Variants in TSGA10IP observed in about 807,000 individuals in gnomAD.
TSGA10IP encodes the protein testis specific 10 interacting protein.
In TSGA10IP, 64 loss-of-function variants were observed where a neutral mutation model predicts 63.2. That is an observed-to-expected ratio of 1.01 (90% CI 0.83 to 1.25). The LOEUF is 1.25. Among genes scored for constraint, TSGA10IP ranks in the 50% most tolerant of loss-of-function variants. TSGA10IP has a pLI of 0.00. For synonymous variants in TSGA10IP, 316 were observed against 298.3 expected (o/e 1.06, Z -0.61); for missense variants, 681 against 710.1 (o/e 0.96, Z 0.47).
intron 4 of TSGA10IP, among the ~76,000 whole-genome samples, chr11:65,950,730 G>A (rs1854928246): frequency 6.6e-6 from 1 of 151,710 alleles, no homozygotes; most frequent in African/African-American, 2.4e-5. Flanking sequence ...ACCCAGCTAA[G>A]TTTTTGTATT....
chr11:65,947,242 C>G (rs778464756), exon 3 of TSGA10IP: 2 of 1,610,468 alleles, frequency 1.2e-6, no homozygotes, highest in East Asian at 2.2e-5. Context: ...CCATGCCCTC[C>G]TCGTTCTCCC....
In TSGA10IP at chr11:65,953,718, C is replaced by A. The variant is rs771975635; in HGVS notation, c.1303C>A (p.Arg435Ser). ...GAGCCGGGGCCCTGGGGCGGCCCAG[C>A]GCAAGCTGGAGGAGCTGAGGTAGGG... Residue 435 changes from arginine to serine, a missense_variant, in exon 5 of 8, where the codon CGC becomes AGC. Transcript: ENST00000532620. The A allele has an allele frequency of 4.1e-5, 63 of 1,548,456 alleles. No individual in the cohort carries two copies. The East Asian group carries it at 1.4e-3, about 34-fold the overall frequency.
intron 5 of TSGA10IP, among the ~76,000 whole-genome samples, chr11:65,954,303 C>T (rs1008223521): frequency 1.3e-5 from 2 of 151,604 alleles, no homozygotes; most frequent in South Asian, 4.2e-4. Context: ...GTAGCTGAGA[C>T]TACAGGCGCC....
chr11:65,953,631 G>T, exon 5 of TSGA10IP: 1 of 1,590,140 alleles, frequency 6.3e-7, no homozygotes, highest in Non-Finnish European at 8.5e-7. Flanking sequence ...GCTGCGGCGG[G>T]CCCGGACACA....
intron 5 of TSGA10IP, among the ~76,000 whole-genome samples, chr11:65,954,474 G>A (rs917682207): frequency 2.0e-5 from 3 of 151,836 alleles, no homozygotes; most frequent in South Asian, 2.1e-4. Context: ...GCACCTGGCC[G>A]TGACCATTTT....
At chr11:65,954,240 A>C (rs1287019319) in intron 5 of TSGA10IP, among the ~76,000 whole-genome samples, 2 of 148,476 alleles carry the variant, frequency 1.3e-5, no homozygotes, top group Non-Finnish European at 1.5e-5. Flanking sequence ...ATCTCGGCTC[A>C]CTGCAATCTC....
At chr11:65,950,624 G>A (rs545457093) in intron 4 of TSGA10IP, among the ~76,000 whole-genome samples, 2 of 151,256 alleles carry the variant, frequency 1.3e-5, no homozygotes, top group Admixed American at 1.3e-4. Flanking sequence ...GTGCAGTGGC[G>A]CGATCTCAGC....
chr11:65,946,766 C>G (rs1854841509), intron 1 of TSGA10IP, 114 bp from the exon 2 acceptor site: 2 of 1,254,946 alleles, frequency 1.6e-6, no homozygotes, highest in Middle Eastern at 2.7e-4. Flanking sequence ...AACGAGGGCC[C>G]AGAGGGACCC....
Position 65,947,690 on chromosome 11 carries a change from C to T in TSGA10IP, c.865C>T (p.Gln289Ter), listed in dbSNP as rs577643382. ...GGAAGCCTCCGATGAGGGAGAAGTG[C>T]AGGGCCAGAGCCAGGGGAGCAGCCC... Residue 289 changes from glutamine to a stop codon, truncating the protein, a stop_gained, in exon 3 of 8, where the codon CAG (glutamine) becomes TAG (stop). Coordinates refer to ENST00000532620, the Ensembl canonical transcript of TSGA10IP. LOFTEE classifies it high-confidence loss of function. 1 of 1,602,762 alleles carries T rather than the reference C, an allele frequency of 6.2e-7. No individual in the cohort carries two copies. Among genetic ancestry groups the T allele is most frequent in the East Asian group, 2.2e-5 (1 of 44,556 alleles).
rs1468832616 is a variant in TSGA10IP, at chr11:65,947,390, G to T, written c.565G>T (p.Glu189Ter). 1.2e-6 allele frequency: 2 copies of T among 1,612,954 alleles called. No homozygotes were observed. The highest frequency in any genetic ancestry group is 1.3e-5 in the African/African-American group (1 of 74,932). Reference sequence around the variant, plus strand: ...TGTCTCCATCCCTACTGGCAAAGGGGAGCTAGGATCAGAGCCCCCCAGTGG... The same window carrying T: ...TGTCTCCATCCCTACTGGCAAAGGGTAGCTAGGATCAGAGCCCCCCAGTGG... Residue 189 changes from glutamate (E) to a stop codon, truncating the protein, a stop_gained, in exon 3 of 8, where the codon GAG (glutamate) becomes TAG (stop). Transcript: ENST00000532620. LOFTEE classifies it high-confidence loss of function.
Position 65,946,684 on chromosome 11 carries a change from C to T in TSGA10IP, c.148-196C>T, listed in dbSNP as rs139625825. On this transcript the variant is annotated intron_variant, in intron 1 of 7. Coordinates refer to ENST00000532620, the Ensembl canonical transcript of TSGA10IP. ...TCCTGGCCTCAGGTGATCCGCCCCCCTTGGCCTCCCAAAGTGCTGGGGTTA... is the reference window on the plus strand; with the variant it reads ...TCCTGGCCTCAGGTGATCCGCCCCCTTTGGCCTCCCAAAGTGCTGGGGTTA... 2.3e-3 allele frequency among the ~76,000 whole-genome samples: 345 copies of T among 152,312 alleles called. 1 individual carries two copies. Among genetic ancestry groups the T allele is most frequent in the African/African-American group, 7.9e-3 (330 of 41,582 alleles).
chr11:65,954,818 CAAAA>C (rs35841625), intron 5 of TSGA10IP, among the ~76,000 whole-genome samples: 1 of 72,870 alleles, frequency 1.4e-5, no homozygotes, highest in African/African-American at 4.2e-5. Context: ...AACTCCATCT[CAAAA>C]AAAAAAAAAA....
chr11:65,959,715 C>G (rs1382193311), intron 7 of TSGA10IP, 102 bp from the exon 8 acceptor site: 1 of 1,443,822 alleles, frequency 6.9e-7, no homozygotes, highest in African/African-American at 1.4e-5. Context: ...GATCACACAG[C>G]AAGCCGGCAC....
At chr11:65,953,653 G>T (rs112417952) in exon 5 of TSGA10IP, 5 of 1,590,506 alleles carry the variant, frequency 3.1e-6, no homozygotes, top group Non-Finnish European at 4.3e-6. Context: ...CATGTACAGC[G>T]GCAGGTGGCC....
intron 5 of TSGA10IP, among the ~76,000 whole-genome samples, chr11:65,954,646 C>T (rs1854995509): frequency 6.6e-6 from 1 of 151,952 alleles, no homozygotes; most frequent in African/African-American, 2.4e-5. Context: ...GGTGAAACCT[C>T]ATCTCTACTA....
intron 4 of TSGA10IP, among the ~76,000 whole-genome samples, chr11:65,948,496 C>T (rs1159107405): frequency 6.6e-6 from 1 of 152,124 alleles, no homozygotes; most frequent in Non-Finnish European, 1.5e-5. Flanking sequence ...ACTCATGGGC[C>T]CTTAGGATAT....
exon 3 of TSGA10IP, chr11:65,947,597 G>A (rs1172124146): frequency 1.1e-5 from 17 of 1,613,904 alleles, no homozygotes; most frequent in Non-Finnish European, 1.4e-5. Flanking sequence ...GGAGGCTGAG[G>A]AGGGAGAGCA....
chr11:65,953,754 T>G lies in TSGA10IP; in HGVS notation c.1322+17T>G. 6.7e-7 allele frequency: 1 copy of G among 1,496,480 alleles called. No homozygotes were observed. Among genetic ancestry groups the G allele is most frequent in the South Asian group, 1.3e-5 (1 of 76,336 alleles). The allele number at this position is 1,496,480 out of a possible 1,614,324, so 92.7% of individuals were successfully genotyped here. On this transcript the variant is annotated intron_variant, in intron 5 of 7. Coordinates refer to ENST00000532620, the Ensembl canonical transcript of TSGA10IP. ...GGAGCTGAGGTAGGGAGCCTGGGCT[T>G]CGGGAGGCCTGGTTGGGAGAGGGCA... is the stretch of plus-strand genomic sequence containing the variant.
Position 65,947,484 on chromosome 11 carries a change from TG to T in TSGA10IP, c.662del (p.Gly221ValfsTer9), listed in dbSNP as rs760448947. Reference sequence around the variant, plus strand: ...GACAAGCAGGTCCAGCTGCAAAGCCTGGGTGCTGAGGAGGCCGAGAGGGGTC... The same window carrying T: ...GACAAGCAGGTCCAGCTGCAAAGCCTGGTGCTGAGGAGGCCGAGAGGGGTC... On this transcript the variant is annotated frameshift_variant, in exon 3 of 8. Coordinates refer to ENST00000532620, the Ensembl canonical transcript of TSGA10IP. LOFTEE classifies it high-confidence loss of function. 1.2e-6 allele frequency: 2 copies of T among 1,613,346 alleles called. No homozygotes were observed. The highest frequency in any genetic ancestry group is 1.7e-6 in the Non-Finnish European group (2 of 1,179,526).
Sources: allele counts gnomAD v4.1 joint callset (sites outside exome capture counted in the v4.1 genomes callset), GRCh38; gene constraint gnomAD v4.1.1; transcripts MANE v1.5; gene names NCBI Gene and HGNC (gene_info 2026-07-23, HGNC 2026-07-21).